EPB41L5: variants seen among roughly 807,000 people sequenced by gnomAD.
EPB41L5 encodes erythrocyte membrane protein band 4.1 like 5, also known as band 4.1-like protein 5.
Under a neutral mutation model 106.6 loss-of-function variants are expected in EPB41L5, and 55 were observed. That is an observed-to-expected ratio of 0.52 (90% CI 0.42 to 0.65). The LOEUF (loss-of-function observed/expected upper bound fraction) is 0.65. Ranked by LOEUF, EPB41L5 falls within the 30% of genes least tolerant of loss-of-function variation. The pLI is 0.00. For synonymous variants in EPB41L5, 297 were observed against 306.7 expected (o/e 0.97, Z 0.33); for missense variants, 871 against 882.1 (o/e 0.99, Z 0.16).
At chr2:120,167,390 T>C (rs1558918155) in intron 22 of EPB41L5, 76 bp from the exon 23 acceptor site, 2 of 1,231,982 alleles carry the variant, frequency 1.6e-6, no homozygotes, top group Admixed American at 3.5e-5. Context: ...TCATAATAGA[T>C]GTAAGTAAGT....
chr2:120,038,013 A>T (rs1376535775), intron 2 of EPB41L5, among the ~76,000 whole-genome samples: 1 of 152,258 alleles, frequency 6.6e-6, no homozygotes, highest in Non-Finnish European at 1.5e-5. Context: ...ACAAAAGCAC[A>T]GGCAGCACAA....
At chr2:120,114,712 C>A (rs534164019) in intron 16 of EPB41L5, among the ~76,000 whole-genome samples, 1 of 152,144 alleles carries the variant, frequency 6.6e-6, no homozygotes, top group East Asian at 1.9e-4. Context: ...TTATTCTGTG[C>A]AGTATGGTTG....
chr2:120,071,445 A>G (rs1681859370), intron 3 of EPB41L5, among the ~76,000 whole-genome samples: 1 of 152,190 alleles, frequency 6.6e-6, no homozygotes, highest in Admixed American at 6.5e-5. Flanking sequence ...CCATCAAGCT[A>G]CCTGAAAAAG....
chr2:120,056,210 T>A (rs925568396), intron 3 of EPB41L5, among the ~76,000 whole-genome samples: 2 of 152,126 alleles, frequency 1.3e-5, no homozygotes, highest in African/African-American at 2.4e-5. Flanking sequence ...TTTTAAAAAA[T>A]CTGTTTATAT....
At chr2:120,107,630 T>A (rs1684526729) in intron 16 of EPB41L5, among the ~76,000 whole-genome samples, 1 of 152,184 alleles carries the variant, frequency 6.6e-6, no homozygotes, top group South Asian at 2.1e-4. Flanking sequence ...TAAAATGTGA[T>A]TTGTCAGATC....
chr2:120,173,444 A>G (rs1441092125), intron 24 of EPB41L5, among the ~76,000 whole-genome samples: 1 of 152,144 alleles, frequency 6.6e-6, no homozygotes, highest in Non-Finnish European at 1.5e-5. Context: ...CTGATTCGGT[A>G]TATCTGGGGT....
At chr2:120,136,010 CA>C (rs1685908197) in intron 18 of EPB41L5, among the ~76,000 whole-genome samples, 1 of 126,698 alleles carries the variant, frequency 7.9e-6, no homozygotes, top group Admixed American at 9.7e-5. Flanking sequence ...AAAAGACTAT[CA>C]AAAATGTAAC....
chr2:120,056,425 A>G (rs771993006), intron 3 of EPB41L5, among the ~76,000 whole-genome samples: 69 of 151,980 alleles, frequency 4.5e-4, no homozygotes, highest in Admixed American at 2.5e-3. Context: ...CAGCCTCCCA[A>G]GGAGCTGGGA....
At position 120,042,995 on chromosome 2, in the gene EPB41L5, ATGTGTGTGTGTGTGTG is replaced by A. The variant is rs60253351; in HGVS notation, c.285+923_285+938del. 1.1e-3 allele frequency among the ~76,000 whole-genome samples: 77 copies of A among 70,124 alleles called. 1 individual carries two copies. The highest frequency in any genetic ancestry group is 8.9e-3 in the Middle Eastern group (1 of 112). 46.0% of individuals were successfully genotyped at this position (70,124 alleles called of 152,430 possible). A position where few individuals can be genotyped will look rare whatever the true frequency, so the allele number is the denominator to read the frequency against. The stretch of plus-strand genomic sequence containing the variant: ...TGGCATTAAGCCTTTTTTTCTGGAA[ATGTGTGTGTGTGTGTG>A]TGTGTGTGTGTGTGTGTGTGTGTGT... On this transcript the variant is annotated intron_variant, in intron 3 of 24. Coordinates refer to ENST00000263713, the MANE Select transcript of EPB41L5 (RefSeq NM_020909.4).
chr2:120,063,343 A>C (rs1178616829), intron 3 of EPB41L5, among the ~76,000 whole-genome samples: 1 of 150,018 alleles, frequency 6.7e-6, no homozygotes. Flanking sequence ...TTTGTCTCAA[A>C]AAAAAAAAAA....
At chr2:120,063,148 C>T (rs778217385) in intron 3 of EPB41L5, among the ~76,000 whole-genome samples, 16 of 151,396 alleles carry the variant, frequency 1.1e-4, no homozygotes, top group Non-Finnish European at 1.8e-4. Context: ...AAGACTAGCC[C>T]GGCCAACCTG....
chr2:120,110,674 G>A (rs535689116), intron 16 of EPB41L5, among the ~76,000 whole-genome samples: 150 of 123,682 alleles, frequency 1.2e-3, no homozygotes, highest in African/African-American at 4.3e-3. Flanking sequence ...TCTCACTCTT[G>A]CCGAGGCTGG....
Position 120,106,880 on chromosome 2 carries a change from A to G in EPB41L5, c.1337+6066A>G, listed in dbSNP as rs573320873. 181 of 980,736 alleles carry G rather than the reference A, an allele frequency of 1.8e-4. 1 individual carries two copies. The African/African-American group carries it at 3.1e-3, about 17-fold the overall frequency. 60.8% of individuals were successfully genotyped at this position (980,736 alleles called of 1,614,324 possible). ...ATAATCATAGATAACATACTTTTAA[A>G]TGAATTTACAGAGAAAAATAAATTT... On this transcript the variant is annotated intron_variant, in intron 16 of 24. Transcript: ENST00000263713.
chr2:120,156,929 G>A (rs991330281), intron 20 of EPB41L5, among the ~76,000 whole-genome samples: 4 of 152,074 alleles, frequency 2.6e-5, no homozygotes, highest in Non-Finnish European at 5.9e-5. Context: ...TCAGCACTGG[G>A]TCAAATGGAC....
At chr2:120,057,683 G>A (rs1351534971) in intron 3 of EPB41L5, among the ~76,000 whole-genome samples, 3 of 145,608 alleles carry the variant, frequency 2.1e-5, no homozygotes, top group South Asian at 4.4e-4. Flanking sequence ...AAATCTCATT[G>A]TATAACTAAA....
intron 16 of EPB41L5, among the ~76,000 whole-genome samples, chr2:120,103,057 G>T (rs1320754073): frequency 6.6e-6 from 1 of 152,080 alleles, no homozygotes; most frequent in Non-Finnish European, 1.5e-5. Flanking sequence ...TTCCAATTTT[G>T]TTTTGAAAAA....
chr2:120,057,636 C>CTT (rs554013617), intron 3 of EPB41L5, among the ~76,000 whole-genome samples: 5 of 141,802 alleles, frequency 3.5e-5, no homozygotes, highest in Admixed American at 7.1e-5. Flanking sequence ...TTTATAATCT[C>CTT]TTTTTTTTTT....
intron 2 of EPB41L5, among the ~76,000 whole-genome samples, chr2:120,037,315 G>T (rs1356030005): frequency 2.0e-5 from 3 of 152,176 alleles, no homozygotes; most frequent in African/African-American, 4.8e-5. Context: ...ACTTAATCTT[G>T]TTAAGAAGAC....
In EPB41L5 at chr2:120,077,111, A is replaced by G; in HGVS notation, c.626+20A>G. The G allele has an allele frequency of 6.2e-7, 1 of 1,605,434 alleles. No homozygotes were observed. Among genetic ancestry groups the G allele is most frequent in the Non-Finnish European group, 8.5e-7 (1 of 1,176,490 alleles). ...ATACAGGTATCTGGCGTTTGACCAT[A>G]CTTTCTTTAAAATCACCACAACAGT... is the stretch of plus-strand genomic sequence containing the variant. On this transcript the variant is annotated intron_variant, in intron 8 of 24. Coordinates refer to ENST00000263713, the MANE Select transcript of EPB41L5 (RefSeq NM_020909.4).
Sources: gnomAD v4.1 joint callset for allele counts (sites outside exome capture counted in the v4.1 genomes callset) on GRCh38, gnomAD v4.1.1 for gene constraint, MANE v1.5 for transcripts, NCBI Gene and HGNC (gene_info 2026-07-23, HGNC 2026-07-21) for gene names.